The following UBTD1 variants were observed in gnomAD, a reference collection of about 807,000 sequenced individuals.
UBTD1 encodes ubiquitin domain containing 1.
A neutral mutation model predicts 21.7 loss-of-function variants in UBTD1; 19 were observed. The observed-to-expected ratio is 0.87, with a 90% CI of 0.61 to 1.28. The LOEUF (loss-of-function observed/expected upper bound fraction) is 1.28, where lower values mean the gene tolerates loss of function less well. UBTD1 is among the 50% of genes most tolerant of loss of function. UBTD1 has a pLI of 0.00. For synonymous variants in UBTD1, 116 were observed against 135.1 expected (o/e 0.86, Z 0.98); for missense variants, 282 against 315.1 (o/e 0.89, Z 0.80).
intron 1 of UBTD1, among the ~76,000 whole-genome samples, chr10:97,521,490 G>A (rs554205038): frequency 3.5e-4 from 54 of 152,332 alleles, no homozygotes; most frequent in African/African-American, 1.1e-3. Context: ...GGATTCTTGC[G>A]TCAGCTGGGG....
chr10:97,533,648 G>T (rs1224567804), intron 1 of UBTD1, among the ~76,000 whole-genome samples: 3 of 152,098 alleles, frequency 2.0e-5, no homozygotes, highest in African/African-American at 7.2e-5. Flanking sequence ...CTCTGGGCTG[G>T]GTGTGGTAGC....
At chr10:97,565,554 C>G (rs1357525224) in intron 1 of UBTD1, among the ~76,000 whole-genome samples, 1 of 152,044 alleles carries the variant, frequency 6.6e-6, no homozygotes, top group Non-Finnish European at 1.5e-5. Context: ...TGGGAGGCTG[C>G]TGGGGGAGAA....
intron 1 of UBTD1, among the ~76,000 whole-genome samples, chr10:97,545,234 A>G (rs867912895): frequency 2.0e-5 from 3 of 151,602 alleles, no homozygotes; most frequent in Admixed American, 1.3e-4. Flanking sequence ...CCAGCTACTC[A>G]GGAGGCTGAG....
chr10:97,560,471 G>A lies in UBTD1; in HGVS notation c.71-7443G>A, dbSNP rs548312278. On this transcript the variant is annotated intron_variant, in intron 1 of 2. Coordinates refer to ENST00000370664, the MANE Select transcript of UBTD1 (RefSeq NM_024954.5). ...TTTTTCTCTCTGCTGGTCTTTACTT[G>A]CCTCTGCCAGCTGCTTATGCTGCTG... Among the ~76,000 whole-genome samples, 169 of 152,152 alleles carry A rather than the reference G, an allele frequency of 1.1e-3. 1 individual carries two copies. The highest frequency in any genetic ancestry group is 3.9e-3 in the African/African-American group (163 of 41,498).
chr10:97,552,796 C>T (rs2040646496), intron 1 of UBTD1, among the ~76,000 whole-genome samples: 3 of 152,170 alleles, frequency 2.0e-5, no homozygotes, highest in African/African-American at 7.2e-5. Context: ...CCCGTGTTAG[C>T]ATCCTACCTC....
chr10:97,522,891 C>A (rs2040472011), intron 1 of UBTD1, among the ~76,000 whole-genome samples: 1 of 152,224 alleles, frequency 6.6e-6, no homozygotes, highest in Non-Finnish European at 1.5e-5. Context: ...CAGGGCCACC[C>A]TGGCCACTCC....
chr10:97,498,953 C>G lies in UBTD1; in HGVS notation c.-251C>G. 1 of 437,666 alleles carries G rather than the reference C, an allele frequency of 2.3e-6. No homozygotes were observed. Among genetic ancestry groups the G allele is most frequent in the Non-Finnish European group, 4.0e-6 (1 of 248,990 alleles). 27.1% of individuals were successfully genotyped at this position (437,666 alleles called of 1,614,324 possible). On this transcript the variant is annotated 5_prime_UTR_variant, in exon 1 of 3. Transcript: ENST00000370664. Reference sequence around the variant, plus strand: ...CCGCCCCTCCAGCGGAGCTGGTCTCCGGCCGGGCACCGTCGCGGGCCCCCC... The same window carrying G: ...CCGCCCCTCCAGCGGAGCTGGTCTCGGGCCGGGCACCGTCGCGGGCCCCCC...
intron 1 of UBTD1, among the ~76,000 whole-genome samples, chr10:97,545,399 TGTGTGTGTGTGG>T (rs1400284915): frequency 1.4e-3 from 122 of 84,532 alleles, no homozygotes; most frequent in Middle Eastern, 0.011. Flanking sequence ...TGTGTGTGTG[TGTGTGTGTGTGG>T]GTGTGGGTGT....
At chr10:97,563,645 G>A (rs1317582322) in intron 1 of UBTD1, among the ~76,000 whole-genome samples, 3 of 152,162 alleles carry the variant, frequency 2.0e-5, no homozygotes, top group Non-Finnish European at 4.4e-5. Flanking sequence ...AAGAGTGGCG[G>A]ATTAGGGGTA....
At chr10:97,517,871 G>A (rs1231822817) in intron 1 of UBTD1, among the ~76,000 whole-genome samples, 5 of 151,996 alleles carry the variant, frequency 3.3e-5, no homozygotes, top group Non-Finnish European at 7.4e-5. Context: ...TGGTGGTGCT[G>A]TGTGTGTGTG....
At chr10:97,534,912 G>A (rs1255527550) in intron 1 of UBTD1, among the ~76,000 whole-genome samples, 2 of 152,150 alleles carry the variant, frequency 1.3e-5, no homozygotes, top group East Asian at 1.9e-4. Flanking sequence ...CCCACCAAGC[G>A]GCACTCAGCC....
At position 97,555,978 on chromosome 10, in the gene UBTD1, G is replaced by C. The variant is rs190143067; in HGVS notation, c.71-11936G>C. Reference sequence around the variant, plus strand: ...TTGAGACTCTCACTTTTTATTAGTGGGAGTTCTCACTCTTATTTTTGCTAC... The same window carrying C: ...TTGAGACTCTCACTTTTTATTAGTGCGAGTTCTCACTCTTATTTTTGCTAC... On this transcript the variant is annotated intron_variant, in intron 1 of 2. Coordinates refer to ENST00000370664, the MANE Select transcript of UBTD1 (RefSeq NM_024954.5). Among the ~76,000 whole-genome samples, 339 of 152,140 alleles carry C rather than the reference G, an allele frequency of 2.2e-3. 3 individuals are homozygous for C. Among genetic ancestry groups the C allele is most frequent in the Middle Eastern group, 0.01 (3 of 294 alleles).
intron 1 of UBTD1, among the ~76,000 whole-genome samples, chr10:97,543,278 C>T (rs555173972): frequency 1.3e-5 from 2 of 152,318 alleles, no homozygotes; most frequent in East Asian, 3.9e-4. Flanking sequence ...GGATGCTGGT[C>T]TGACAGCTCT....
chr10:97,539,885 A>G (rs944998399), intron 1 of UBTD1, among the ~76,000 whole-genome samples: 1 of 152,170 alleles, frequency 6.6e-6, no homozygotes, highest in Non-Finnish European at 1.5e-5. Context: ...CCTTCCTTCC[A>G]GATCCACCTC....
At chr10:97,561,716 C>G (rs1015947152) in intron 1 of UBTD1, among the ~76,000 whole-genome samples, 1 of 151,626 alleles carries the variant, frequency 6.6e-6, no homozygotes, top group Non-Finnish European at 1.5e-5. Flanking sequence ...GGCTGCCTGT[C>G]TTTGGTTTTA....
chr10:97,513,099 G>A (rs184492279), intron 1 of UBTD1, among the ~76,000 whole-genome samples: 258 of 152,358 alleles, frequency 1.7e-3, no homozygotes, highest in Admixed American at 5.3e-3. Context: ...GACTGGTTCA[G>A]AGGGGTCAAG....
intron 1 of UBTD1, among the ~76,000 whole-genome samples, chr10:97,514,786 G>A (rs2040437719): frequency 1.3e-5 from 2 of 152,180 alleles, no homozygotes; most frequent in South Asian, 4.2e-4. Context: ...CCTTTCTGGG[G>A]TAAGCTTACA....
chr10:97,508,468 A>G (rs2040408326), intron 1 of UBTD1, among the ~76,000 whole-genome samples: 4 of 152,180 alleles, frequency 2.6e-5, no homozygotes, highest in Admixed American at 2.6e-4. Flanking sequence ...GGCCAGGAAA[A>G]TGAATGGATT....
chr10:97,539,258 G>A (rs1024767409), intron 1 of UBTD1, among the ~76,000 whole-genome samples: 2 of 152,138 alleles, frequency 1.3e-5, no homozygotes, highest in South Asian at 2.1e-4. Context: ...CCACTTTACC[G>A]GCCTCAGATA....
Sources: allele counts gnomAD v4.1 joint callset (sites outside exome capture counted in the v4.1 genomes callset), GRCh38; gene constraint gnomAD v4.1.1; transcripts MANE v1.5; gene names NCBI Gene and HGNC (gene_info 2026-07-23, HGNC 2026-07-21).